COMMD10: variants seen among roughly 807,000 people sequenced by gnomAD.
COMMD10 encodes the protein COMM domain containing 10.
A neutral mutation model predicts 28.9 loss-of-function variants in COMMD10; 33 were observed. That is an observed-to-expected ratio of 1.14 (90% CI 0.87 to 1.53). The LOEUF is 1.53. Ranked by LOEUF, COMMD10 falls within the 40% of genes most tolerant of loss-of-function variation. The pLI, the probability that COMMD10 is intolerant of heterozygous loss-of-function variation, is 0.00. For missense variants in COMMD10, 310 were observed against 233.4 expected (o/e 1.33, Z -2.14); for synonymous variants, 110 against 81.7 (o/e 1.35, Z -1.87).
At chr5:116,145,661 C>T (rs1752324904) in intron 5 of COMMD10, among the ~76,000 whole-genome samples, 1 of 151,796 alleles carries the variant, frequency 6.6e-6, no homozygotes, top group African/African-American at 2.4e-5. Flanking sequence ...TCCTCACAAT[C>T]CCCACAATCC....
At chr5:116,282,635 A>G (rs1204554630) in intron 5 of COMMD10, among the ~76,000 whole-genome samples, 1 of 151,942 alleles carries the variant, frequency 6.6e-6, no homozygotes, top group East Asian at 1.9e-4. Flanking sequence ...TCTGTAGGCT[A>G]GAAGACTAAA....
intron 5 of COMMD10, among the ~76,000 whole-genome samples, chr5:116,202,748 G>A (rs1257596020): frequency 4.6e-5 from 7 of 150,796 alleles, no homozygotes; most frequent in African/African-American, 1.5e-4. Flanking sequence ...TTTTTTTCTT[G>A]TAAATTTGTT....
chr5:116,102,650 A>G (rs1241240891), intron 4 of COMMD10, among the ~76,000 whole-genome samples: 1 of 152,178 alleles, frequency 6.6e-6, no homozygotes, highest in African/African-American at 2.4e-5. Context: ...TTTGGGCAGT[A>G]TAGTCATTTT....
intron 5 of COMMD10, among the ~76,000 whole-genome samples, chr5:116,290,383 A>G (rs1186141044): frequency 2.0e-5 from 3 of 151,606 alleles, no homozygotes; most frequent in Non-Finnish European, 4.4e-5. Context: ...AAGTACTTAG[A>G]TATATGAGAG....
rs150586746 is a variant in COMMD10, at chr5:116,174,672, G to T, written c.510+40494G>T. 2.0e-3 allele frequency among the ~76,000 whole-genome samples: 304 copies of T among 152,186 alleles called. 2 individuals are homozygous for T. Among genetic ancestry groups the T allele is most frequent in the African/African-American group, 7.0e-3 (289 of 41,552 alleles). On this transcript the variant is annotated intron_variant, in intron 5 of 6. Coordinates refer to ENST00000274458, the MANE Select transcript of COMMD10 (RefSeq NM_016144.4). ...TTAGATACAAAGTGTGAGATAAAGT[G>T]AGTCATTAAAGATAACCCCAAAATT...
intron 5 of COMMD10, among the ~76,000 whole-genome samples, chr5:116,203,534 C>T (rs576982886): frequency 1.8e-3 from 268 of 152,112 alleles, no homozygotes; most frequent in African/African-American, 6.0e-3. Flanking sequence ...AGACTAACAG[C>T]GGATCTCTCG....
intron 2 of COMMD10, among the ~76,000 whole-genome samples, chr5:116,089,251 T>C (rs189625908): frequency 3.0e-4 from 45 of 152,312 alleles, no homozygotes; most frequent in African/African-American, 1.0e-3. Flanking sequence ...GTCATCTTCA[T>C]TTTATCTATG....
chr5:116,264,461 C>G (rs770890323), intron 5 of COMMD10, among the ~76,000 whole-genome samples: 1 of 151,862 alleles, frequency 6.6e-6, no homozygotes, highest in African/African-American at 2.4e-5. Context: ...ATTACTGTTA[C>G]ATTCACTGTA....
chr5:116,124,450 C>T (rs183980741), intron 4 of COMMD10, among the ~76,000 whole-genome samples: 8 of 152,238 alleles, frequency 5.3e-5, no homozygotes, highest in Admixed American at 4.6e-4. Context: ...GTTGTGATTT[C>T]TGTTCTTTTA....
chr5:116,280,220 G>A (rs917769601), intron 5 of COMMD10, among the ~76,000 whole-genome samples: 2 of 151,862 alleles, frequency 1.3e-5, no homozygotes, highest in Non-Finnish European at 2.9e-5. Context: ...ATACATAGGT[G>A]TACTTTTCAA....
chr5:116,102,576 T>C lies in COMMD10; in HGVS notation c.399+9876T>C, dbSNP rs182675384. On this transcript the variant is annotated intron_variant, in intron 4 of 6. Transcript: ENST00000274458. The stretch of plus-strand genomic sequence containing the variant: ...TTCCATATGAATTTTAGGATTGTTT[T>C]TCCTAATTTAGTGAAAAATGACAAT... Among the ~76,000 whole-genome samples, 248 of 152,332 alleles carry C rather than the reference T, an allele frequency of 1.6e-3. 2 individuals are homozygous for C. Among genetic ancestry groups the C allele is most frequent in the African/African-American group, 5.6e-3 (232 of 41,576 alleles).
intron 4 of COMMD10, among the ~76,000 whole-genome samples, chr5:116,098,150 A>T (rs1312769879): frequency 6.6e-6 from 1 of 152,210 alleles, no homozygotes; most frequent in East Asian, 1.9e-4. Flanking sequence ...TATTCCTTTT[A>T]TATCATGCTA....
chr5:116,273,307 T>G (rs772193749), intron 5 of COMMD10, among the ~76,000 whole-genome samples: 2 of 151,850 alleles, frequency 1.3e-5, no homozygotes, highest in Non-Finnish European at 2.9e-5. Context: ...TGTATCTTAA[T>G]TCCCTATTCC....
chr5:116,119,967 T>C (rs6877029), intron 4 of COMMD10, among the ~76,000 whole-genome samples: 124,846 of 151,976 alleles, frequency 0.82, 51,460 homozygotes, highest in African/African-American at 0.84. Flanking sequence ...GTATAGTATA[T>C]ACTGTATTCT....
intron 5 of COMMD10, among the ~76,000 whole-genome samples, chr5:116,166,692 C>T (rs897869964): frequency 6.6e-6 from 1 of 152,138 alleles, no homozygotes; most frequent in African/African-American, 2.4e-5. Flanking sequence ...TGGTGATACC[C>T]AGGCAAACAG....
intron 4 of COMMD10, among the ~76,000 whole-genome samples, chr5:116,128,853 T>TAGATTGTGATTTTTTGGTTAG (rs558232488): frequency 8.5e-4 from 129 of 152,112 alleles, no homozygotes; most frequent in African/African-American, 2.9e-3. Context: ...TGATCAGATT[T>TAGATTGTGATTTTTTGGTTAG]AGATTGTGAT....
At chr5:116,181,632 GA>G (rs1233049113) in intron 5 of COMMD10, among the ~76,000 whole-genome samples, 1 of 151,800 alleles carries the variant, frequency 6.6e-6, no homozygotes, top group African/African-American at 2.4e-5. Flanking sequence ...CTATTATTTT[GA>G]AATGTGCAGG....
intron 5 of COMMD10, among the ~76,000 whole-genome samples, chr5:116,284,979 T>C (rs190394958): frequency 1.3e-5 from 2 of 152,048 alleles, no homozygotes; most frequent in Non-Finnish European, 2.9e-5. Flanking sequence ...TCCACTTAAT[T>C]GATGGATAAA....
chr5:116,287,566 T>C (rs1463610588), intron 5 of COMMD10, among the ~76,000 whole-genome samples: 1 of 151,740 alleles, frequency 6.6e-6, no homozygotes, highest in Non-Finnish European at 1.5e-5. Flanking sequence ...GTTTAATCTG[T>C]TTACATTTAA....
Sources: gnomAD v4.1 joint callset for allele counts (sites outside exome capture counted in the v4.1 genomes callset) on GRCh38, gnomAD v4.1.1 for gene constraint, MANE v1.5 for transcripts, NCBI Gene and HGNC (gene_info 2026-07-23, HGNC 2026-07-21) for gene names.